The following GLS2 variants were observed in gnomAD, a reference collection of about 807,000 sequenced individuals.
GLS2 encodes the protein glutaminase liver isoform, mitochondrial.
In GLS2, 52 loss-of-function variants were observed where a neutral mutation model predicts 79.0. The ratio of observed to expected loss-of-function variants is 0.66; its 90% confidence interval spans 0.53 to 0.83. The LOEUF is 0.83. Among genes scored for constraint, GLS2 ranks in the 40% least tolerant of loss-of-function variants. GLS2 has a pLI of 0.00. For missense variants in GLS2, 561 were observed against 764.8 expected, an observed-to-expected ratio of 0.73 and a Z score of 3.14; for synonymous variants, 238 against 280.8, an observed-to-expected ratio of 0.85 and a Z score of 1.52.
intron 10 of GLS2, 73 bp from the exon 11 acceptor site, chr12:56,474,969 A>C: frequency 6.2e-7 from 1 of 1,613,786 alleles, no homozygotes; most frequent in Admixed American, 1.7e-5. Flanking sequence ...TCTCAGCTGA[A>C]GCCCCCAACC....
intron 14 of GLS2, 115 bp from the exon 15 acceptor site, chr12:56,472,866 T>C: frequency 1.2e-6 from 1 of 800,538 alleles, no homozygotes; most frequent in South Asian, 1.6e-5. Context: ...TGTTATGGAA[T>C]GTGCTACTCT....
chr12:56,487,631 G>A (rs1285089914), intron 1 of GLS2: 1 of 469,344 alleles, frequency 2.1e-6, no homozygotes, highest in Non-Finnish European at 3.8e-6. Context: ...CGTGAGCCCG[G>A]CCCTGCACTC....
intron 14 of GLS2, 191 bp downstream of exon 14, chr12:56,473,037 G>A (rs549521174): frequency 6.1e-5 from 37 of 608,414 alleles, no homozygotes; most frequent in African/African-American, 1.3e-4. Flanking sequence ...CCACAGGCGC[G>A]TGCCACCACG....
At chr12:56,475,837 T>A in intron 8 of GLS2, 108 bp downstream of exon 8, 1 of 1,412,212 alleles carries the variant, frequency 7.1e-7, no homozygotes, top group South Asian at 1.2e-5. Flanking sequence ...AGGCTTCTAG[T>A]ATGGGCTGGT....
At chr12:56,478,613 G>C in intron 4 of GLS2, 1 of 288,660 alleles carries the variant, frequency 3.5e-6, no homozygotes, top group Non-Finnish European at 6.6e-6. Context: ...ATCGTGTATA[G>C]AAACACATGA....
At chr12:56,480,019 A>G (rs1870159378) in intron 2 of GLS2, 118 bp from the exon 3 acceptor site, 1 of 1,344,376 alleles carries the variant, frequency 7.4e-7, no homozygotes. Context: ...AGGTGGAACA[A>G]ATGGGTTTGG....
intron 9 of GLS2, 25 bp from the exon 10 acceptor site, chr12:56,475,135 C>G (rs1869691640): frequency 6.2e-7 from 1 of 1,613,550 alleles, no homozygotes; most frequent in Non-Finnish European, 8.5e-7. Flanking sequence ...CAATTTAGTA[C>G]TTGAAGTTGG....
chr12:56,482,887 G>A (rs1398756085), intron 1 of GLS2, among the ~76,000 whole-genome samples: 2 of 151,558 alleles, frequency 1.3e-5, no homozygotes, highest in South Asian at 2.1e-4. Flanking sequence ...GTGAGCCACC[G>A]CACCCAGCCA....
chr12:56,479,759 C>T (rs767468162), intron 3 of GLS2, 21 bp downstream of exon 3: 4 of 1,587,082 alleles, frequency 2.5e-6, no homozygotes, highest in Non-Finnish European at 3.4e-6. Context: ...AGAGCAGTGC[C>T]CTTGTTTCTG....
At chr12:56,475,582 A>C in intron 9 of GLS2, 42 bp downstream of exon 9, 400 of 1,594,078 alleles carry the variant, frequency 2.5e-4, no homozygotes, top group Non-Finnish European at 3.1e-4. Flanking sequence ...ACACACACAT[A>C]CACCACAATG....
chr12:56,486,004 A>C (rs1592284567), intron 1 of GLS2, among the ~76,000 whole-genome samples: 1 of 103,078 alleles, frequency 9.7e-6, no homozygotes, highest in African/African-American at 3.9e-5. Flanking sequence ...CGGCAAAGAG[A>C]CTCTGTCTCC....
Position 56,473,255 on chromosome 12 carries a change from G to A in GLS2, c.1422C>T (p.Asp474=), listed in dbSNP as rs747322464. ...GAATTTCTGCCCCTTCACGCCGTGG[G>A]TCTAACTTCCGAGCACAGTGCCTCA... ...DNLRHCARKL[D]PRREGAEIRN... is the part of the protein sequence containing the mutation. Residue 474 remains aspartate, a synonymous_variant, in exon 14 of 18, where the codon GAC becomes GAT. Coordinates refer to ENST00000311966, the MANE Select transcript of GLS2 (RefSeq NM_013267.4). 9.9e-6 allele frequency: 16 copies of A among 1,613,988 alleles called. No homozygotes were observed. The highest frequency in any genetic ancestry group is 1.6e-4 in the Middle Eastern group (1 of 6,084).
intron 10 of GLS2, 52 bp from the exon 11 acceptor site, chr12:56,474,948 C>T: frequency 2.5e-6 from 4 of 1,613,834 alleles, no homozygotes; most frequent in Non-Finnish European, 3.4e-6. Flanking sequence ...AGCCCTTTCA[C>T]ACTGTCAGGG....
At chr12:56,478,397 T>C (rs1870012771) in intron 4 of GLS2, 135 bp from the exon 5 acceptor site, 1 of 847,512 alleles carries the variant, frequency 1.2e-6, no homozygotes, top group Non-Finnish European at 1.9e-6. Flanking sequence ...CCCTCCTGCC[T>C]GTTGCTCCCA....
At chr12:56,481,914 G>T (rs1209781602) in intron 1 of GLS2, among the ~76,000 whole-genome samples, 1 of 147,904 alleles carries the variant, frequency 6.8e-6, no homozygotes, top group African/African-American at 2.5e-5. Flanking sequence ...CAAAAACTTG[G>T]TAGGACATCA....
At chr12:56,478,986 GAAA>G (rs34646954) in intron 4 of GLS2, 63 bp downstream of exon 4, 79,162 of 1,325,578 alleles carry the variant, frequency 0.06, 2 homozygotes, top group South Asian at 0.12. Flanking sequence ...TCTGTCTCAG[GAAA>G]AAAAAAAAAA....
intron 15 of GLS2, 23 bp downstream of exon 15, chr12:56,472,667 A>G (rs773260635): frequency 6.2e-7 from 1 of 1,607,632 alleles, no homozygotes; most frequent in Non-Finnish European, 8.5e-7. Context: ...TTTATTGTGT[A>G]TATTTGGTCA....
chr12:56,479,793 C>T lies in GLS2; in HGVS notation c.391G>A (p.Asp131Asn). 1 of 1,602,702 alleles carries T rather than the reference C, an allele frequency of 6.2e-7. No individual in the cohort carries two copies. Among genetic ancestry groups the T allele is most frequent in the Non-Finnish European group, 8.5e-7 (1 of 1,173,182 alleles). ...TGGGGCCCTCACTTTCGGAAGAGAT[C>T]TCGGTCCAAGAGGCCACCACTACTG... is the stretch of plus-strand genomic sequence containing the variant. ...ESSSGGLLDR[D>N]LFRKCVSSNI... The change falls in exon 3 of 18, where the codon GAT becomes AAT. Residue 131 changes from aspartate to asparagine, a missense_variant. By Grantham distance (23) the Asp-to-Asn change is conservative. Transcript: ENST00000311966.
At position 56,480,389 on chromosome 12, in the gene GLS2, T is replaced by C. The variant is rs1029816325; in HGVS notation, c.183-2A>G. ...AGCATGCCACTTTCTGATGAATCACTGTTTGGGGGCAGAGAATGGGGAGGA... is the reference window on the plus strand; with the variant it reads ...AGCATGCCACTTTCTGATGAATCACCGTTTGGGGGCAGAGAATGGGGAGGA... On this transcript the variant is annotated splice_acceptor_variant, in intron 1 of 17. Transcript: ENST00000311966. LOFTEE classifies it high-confidence loss of function. The C allele has an allele frequency of 6.2e-7, 1 of 1,613,108 alleles. No homozygotes were observed. Among genetic ancestry groups the C allele is most frequent in the Non-Finnish European group, 8.5e-7 (1 of 1,179,206 alleles).
Sources: allele counts gnomAD v4.1 joint callset (sites outside exome capture counted in the v4.1 genomes callset), GRCh38; gene constraint gnomAD v4.1.1; transcripts MANE v1.5; gene names NCBI Gene and HGNC (gene_info 2026-07-23, HGNC 2026-07-21).